Variants in LHFPL3 observed in about 807,000 individuals in gnomAD.
The protein encoded by LHFPL3 is LHFPL tetraspan subfamily member 3 protein.
In LHFPL3, 5 loss-of-function variants were observed where a neutral mutation model predicts 19.3. That is an observed-to-expected ratio of 0.26 (90% confidence interval 0.14 to 0.54). LHFPL3 has a LOEUF of 0.54. Among genes scored for constraint, LHFPL3 ranks in the 20% least tolerant of loss-of-function variants. The pLI, the probability that LHFPL3 is intolerant of heterozygous loss-of-function variation, is 0.94. For synonymous variants in LHFPL3, 133 were observed against 126.2 expected (o/e 1.05, Z -0.36); for missense variants, 249 against 307.4 (o/e 0.81, Z 1.42).
chr7:104,408,776 C>T (rs919088619), intron 1 of LHFPL3, among the ~76,000 whole-genome samples: 9 of 152,082 alleles, frequency 5.9e-5, no homozygotes, highest in African/African-American at 2.2e-4. Context: ...GGAATGAGTA[C>T]CGTGATAGAC....
chr7:104,525,889 G>T (rs1412626475), intron 1 of LHFPL3, among the ~76,000 whole-genome samples: 2 of 152,064 alleles, frequency 1.3e-5, no homozygotes, highest in East Asian at 3.9e-4. Flanking sequence ...ACAGGGGTGA[G>T]CTACTGTGCC....
At chr7:104,388,263 T>C (rs1276866973) in intron 1 of LHFPL3, among the ~76,000 whole-genome samples, 2 of 152,228 alleles carry the variant, frequency 1.3e-5, no homozygotes, top group Non-Finnish European at 2.9e-5. Context: ...TGCATATGTC[T>C]TTATGGTATA....
At chr7:104,672,375 T>C (rs1482657773) in intron 1 of LHFPL3, among the ~76,000 whole-genome samples, 2 of 152,224 alleles carry the variant, frequency 1.3e-5, no homozygotes, top group Non-Finnish European at 2.9e-5. Context: ...GGGAACTTCT[T>C]GAGGTCAGAG....
rs577578101 is a variant in LHFPL3 at position 104,590,037 on chromosome 7, T to C, written c.446-146638T>C. 5.9e-5 allele frequency among the ~76,000 whole-genome samples: 9 copies of C among 152,306 alleles called. No individual in the cohort carries two copies. In the East Asian group the frequency reaches 1.7e-3, roughly 29 times the overall value. ...AGTAGTCTTGCTAGCGGTCTATCAA[T>C]TTTGTTGATCTTTTCAAAAAACCAC... On this transcript the variant is annotated intron_variant, in intron 1 of 2. Coordinates refer to ENST00000424859, the MANE Select transcript of LHFPL3 (RefSeq NM_199000.3).
At chr7:104,520,625 T>C (rs1482528974) in intron 1 of LHFPL3, among the ~76,000 whole-genome samples, 27 of 143,038 alleles carry the variant, frequency 1.9e-4, no homozygotes, top group African/African-American at 6.2e-4. Context: ...CAATTTCAGA[T>C]CCTGTTATTG....
At chr7:104,507,202 A>G (rs1793716226) in intron 1 of LHFPL3, among the ~76,000 whole-genome samples, 4 of 151,738 alleles carry the variant, frequency 2.6e-5, no homozygotes, top group Admixed American at 2.6e-4. Flanking sequence ...ACCTGACTTC[A>G]AACTATACTA....
At chr7:104,855,386 T>G (rs1410581286) in intron 2 of LHFPL3, among the ~76,000 whole-genome samples, 1 of 152,202 alleles carries the variant, frequency 6.6e-6, no homozygotes, top group African/African-American at 2.4e-5. Flanking sequence ...GATGCATTCT[T>G]TTTGGACTTG....
chr7:104,591,908 G>A (rs571884423), intron 1 of LHFPL3, among the ~76,000 whole-genome samples: 9 of 152,066 alleles, frequency 5.9e-5, no homozygotes, highest in South Asian at 2.1e-4. Flanking sequence ...TGATCAAATC[G>A]GCTACTGAAG....
At chr7:104,888,166 G>T (rs1293129703) in intron 2 of LHFPL3, among the ~76,000 whole-genome samples, 1 of 152,116 alleles carries the variant, frequency 6.6e-6, no homozygotes, top group Non-Finnish European at 1.5e-5. Context: ...GCATTAATTT[G>T]TTTTCATGTT....
intron 2 of LHFPL3, among the ~76,000 whole-genome samples, chr7:104,840,534 G>T (rs1482615247): frequency 2.0e-4 from 23 of 114,240 alleles, no homozygotes; most frequent in African/African-American, 7.6e-4. Flanking sequence ...GCCTAGGCTG[G>T]TCTTGAACTC....
intron 2 of LHFPL3, among the ~76,000 whole-genome samples, chr7:104,816,251 A>G (rs1002752971): frequency 6.6e-6 from 1 of 152,202 alleles, no homozygotes; most frequent in Non-Finnish European, 1.5e-5. Flanking sequence ...AAAAGAATCA[A>G]TCTAGGTAAA....
intron 1 of LHFPL3, among the ~76,000 whole-genome samples, chr7:104,711,913 G>C (rs1298091333): frequency 6.6e-6 from 1 of 152,116 alleles, no homozygotes; most frequent in Non-Finnish European, 1.5e-5. Context: ...TAAGTATCAA[G>C]AGCATAACAA....
At chr7:104,536,803 A>G (rs1367237252) in intron 1 of LHFPL3, among the ~76,000 whole-genome samples, 2 of 152,218 alleles carry the variant, frequency 1.3e-5, no homozygotes, top group African/African-American at 4.8e-5. Context: ...TTTACACAGA[A>G]GCTCTTCCAC....
chr7:104,540,560 A>G (rs1429037675), intron 1 of LHFPL3, among the ~76,000 whole-genome samples: 1 of 152,214 alleles, frequency 6.6e-6, no homozygotes, highest in Non-Finnish European at 1.5e-5. Flanking sequence ...TAATAAAATA[A>G]CAGGGAACTG....
At chr7:104,710,524 A>G (rs1793281959) in intron 1 of LHFPL3, among the ~76,000 whole-genome samples, 1 of 152,236 alleles carries the variant, frequency 6.6e-6, no homozygotes. Context: ...GTAAAAAATT[A>G]AACTCTGTAA....
chr7:104,828,746 A>G (rs1014713610), intron 2 of LHFPL3, among the ~76,000 whole-genome samples: 1 of 151,976 alleles, frequency 6.6e-6, no homozygotes, highest in Non-Finnish European at 1.5e-5. Context: ...AGAGTCCCCA[A>G]AACAATGGCT....
chr7:104,672,785 T>C (rs959592685), intron 1 of LHFPL3, among the ~76,000 whole-genome samples: 7 of 152,172 alleles, frequency 4.6e-5, no homozygotes, highest in African/African-American at 1.7e-4. Context: ...GTTCCTGCTG[T>C]TTTCCTTCAC....
intron 1 of LHFPL3, among the ~76,000 whole-genome samples, chr7:104,625,084 A>G (rs2115821251): frequency 6.6e-6 from 1 of 152,330 alleles, no homozygotes; most frequent in African/African-American, 2.4e-5. Flanking sequence ...GGTCTTTCCC[A>G]CTTCTAATTT....
chr7:104,814,389 C>T (rs1363541749), intron 2 of LHFPL3, among the ~76,000 whole-genome samples: 1 of 152,168 alleles, frequency 6.6e-6, no homozygotes, highest in Non-Finnish European at 1.5e-5. Flanking sequence ...GAGTGGGTTG[C>T]TCCTCTTTGC....
Sources: gnomAD v4.1 joint callset for allele counts (sites outside exome capture counted in the v4.1 genomes callset) on GRCh38, gnomAD v4.1.1 for gene constraint, MANE v1.5 for transcripts, NCBI Gene and HGNC (gene_info 2026-07-23, HGNC 2026-07-21) for gene names.